MGAT4C: variants seen among roughly 807,000 people sequenced by gnomAD.
MGAT4C encodes alpha-1,3-mannosyl-glycoprotein 4-beta-N-acetylglucosaminyltransferase C.
A neutral mutation model predicts 40.1 loss-of-function variants in MGAT4C; 19 were observed. The ratio of observed to expected loss-of-function variants is 0.47; its 90% CI spans 0.33 to 0.70. MGAT4C has a LOEUF of 0.70. Ranked by LOEUF, MGAT4C falls within the 30% of genes least tolerant of loss-of-function variation. The pLI is 0.02. For synonymous variants in MGAT4C, 181 were observed against 187.1 expected, an observed-to-expected ratio of 0.97 and a Z score of 0.27; for missense variants, 491 against 563.2, an observed-to-expected ratio of 0.87 and a Z score of 1.30.
At chr12:86,073,862 G>A (rs2137045137) in intron 1 of MGAT4C, among the ~76,000 whole-genome samples, 1 of 152,252 alleles carries the variant, frequency 6.6e-6, no homozygotes, top group Non-Finnish European at 1.5e-5. Context: ...GCTGAAATGA[G>A]ATAAGACTTT....
At chr12:86,795,216 T>C (rs548352955) in intron 1 of MGAT4C, among the ~76,000 whole-genome samples, 2 of 152,104 alleles carry the variant, frequency 1.3e-5, no homozygotes, top group East Asian at 1.9e-4. Flanking sequence ...TACAATCTTA[T>C]TGTTCTGGTT....
At chr12:86,753,684 A>AC (rs1299028940) in intron 1 of MGAT4C, among the ~76,000 whole-genome samples, 1 of 152,138 alleles carries the variant, frequency 6.6e-6, no homozygotes, top group African/African-American at 2.4e-5. Context: ...ATTAAAAAAA[A>AC]CCTCAATTTA....
intron 2 of MGAT4C, among the ~76,000 whole-genome samples, chr12:86,631,401 C>A (rs1186409492): frequency 6.6e-6 from 1 of 152,014 alleles, no homozygotes; most frequent in Non-Finnish European, 1.5e-5. Flanking sequence ...TTAGAAAAAA[C>A]TACTTTGAAG....
At chr12:86,271,336 T>C (rs1441361671) in intron 4 of MGAT4C, among the ~76,000 whole-genome samples, 1 of 152,070 alleles carries the variant, frequency 6.6e-6, no homozygotes, top group Non-Finnish European at 1.5e-5. Flanking sequence ...TAATTACAAA[T>C]AATCCCATAC....
rs1884123526 is a variant in MGAT4C, at chr12:85,977,857, C to G, written c.*1432G>C. The G allele has an allele frequency of 6.8e-6, 1 of 147,008 alleles. No individual in the cohort carries two copies. 9.1% of individuals were successfully genotyped at this position (147,008 alleles called of 1,614,324 possible). A position where few individuals can be genotyped will look rare whatever the true frequency, so the allele number is the denominator to read the frequency against. On this transcript the variant is annotated 3_prime_UTR_variant, in exon 5 of 5. Transcript: ENST00000611864. ...ACAGAGTCATCTATATGAACACGTA[C>G]TTGAGTTTCTTAAACATATATGAAG... is the stretch of plus-strand genomic sequence containing the variant.
intron 1 of MGAT4C, among the ~76,000 whole-genome samples, chr12:86,234,879 A>G (rs1001328106): frequency 6.6e-6 from 1 of 152,018 alleles, no homozygotes; most frequent in African/African-American, 2.4e-5. Context: ...ATGAACTGGT[A>G]CTTCATCTGA....
At chr12:86,119,704 C>T (rs961386616) in intron 1 of MGAT4C, among the ~76,000 whole-genome samples, 6 of 150,982 alleles carry the variant, frequency 4.0e-5, no homozygotes, top group Admixed American at 6.6e-5. Context: ...CCACTATGCC[C>T]GGCCCCCTCC....
chr12:86,345,197 T>C (rs1423078844), intron 3 of MGAT4C, among the ~76,000 whole-genome samples: 1 of 152,128 alleles, frequency 6.6e-6, no homozygotes, highest in East Asian at 1.9e-4. Context: ...TAAAGAGGAA[T>C]CAAGCTGCAC....
intron 2 of MGAT4C, among the ~76,000 whole-genome samples, chr12:86,637,501 T>C (rs1963256277): frequency 2.0e-5 from 3 of 151,956 alleles, no homozygotes; most frequent in Admixed American, 1.3e-4. Flanking sequence ...GCCAGATTTA[T>C]AAAGCTTCTC....
At chr12:86,658,036 T>G (rs1963892255) in intron 2 of MGAT4C, among the ~76,000 whole-genome samples, 1 of 151,996 alleles carries the variant, frequency 6.6e-6, no homozygotes, top group South Asian at 2.1e-4. Context: ...GAAAGCAACA[T>G]ACTTAGGTGA....
intron 1 of MGAT4C, among the ~76,000 whole-genome samples, chr12:86,237,208 C>G (rs189759982): frequency 6.6e-6 from 1 of 151,462 alleles, no homozygotes; most frequent in Non-Finnish European, 1.5e-5. Context: ...CTTAATAAAA[C>G]AGTGTGAATA....
chr12:86,713,192 C>T (rs1950589477), intron 2 of MGAT4C, among the ~76,000 whole-genome samples: 1 of 151,940 alleles, frequency 6.6e-6, no homozygotes, highest in Admixed American at 6.6e-5. Flanking sequence ...TAACTTGTGT[C>T]TTCTTATGTA....
intron 2 of MGAT4C, among the ~76,000 whole-genome samples, chr12:86,673,554 CATA>C (rs766332866): frequency 2.0e-5 from 3 of 151,954 alleles, no homozygotes; most frequent in Non-Finnish European, 2.9e-5. Context: ...ATATGCATAA[CATA>C]ATAATATTTT....
intron 4 of MGAT4C, among the ~76,000 whole-genome samples, chr12:86,289,060 C>A (rs192802080): frequency 6.6e-6 from 1 of 152,186 alleles, no homozygotes; most frequent in East Asian, 1.9e-4. Context: ...GTATTGAAAT[C>A]ATTAATCCAT....
intron 1 of MGAT4C, among the ~76,000 whole-genome samples, chr12:86,732,331 G>A (rs10858469): frequency 0.42 from 64,033 of 151,830 alleles, 13,731 homozygotes; most frequent in African/African-American, 0.47. Flanking sequence ...GACCGGGGTG[G>A]GGGCATACGG....
At position 86,390,314 on chromosome 12, in the gene MGAT4C, TG is replaced by T. The variant is rs1463251245; in HGVS notation, c.-120+44842del. 2.6e-5 allele frequency among the ~76,000 whole-genome samples: 4 copies of T among 152,324 alleles called. No homozygotes were observed. In the East Asian group the frequency reaches 7.7e-4, roughly 29 times the overall value. ...CTATTGTTAAGAAACTCTCTTATTT[TG>T]TTACGTACCATAGTTAAGAAACAAA... On this transcript the variant is annotated intron_variant, in intron 3 of 7. Coordinates refer to the MGAT4C transcript ENST00000548651.
chr12:86,381,037 T>G (rs909795773), intron 3 of MGAT4C, among the ~76,000 whole-genome samples: 2 of 152,042 alleles, frequency 1.3e-5, no homozygotes, highest in Non-Finnish European at 2.9e-5. Context: ...CACCCAGACA[T>G]AGAAACTGAC....
chr12:86,309,485 G>A (rs769583325), intron 4 of MGAT4C, among the ~76,000 whole-genome samples: 4 of 152,054 alleles, frequency 2.6e-5, no homozygotes, highest in Non-Finnish European at 5.9e-5. Flanking sequence ...AGGTGAGGAC[G>A]GGGGGCAAAC....
chr12:86,183,960 T>A (rs1317389405), intron 1 of MGAT4C, among the ~76,000 whole-genome samples: 3 of 152,148 alleles, frequency 2.0e-5, no homozygotes, highest in African/African-American at 7.2e-5. Flanking sequence ...AATCACTCCA[T>A]CAAGCCATTT....
Sources: gnomAD v4.1 joint callset for allele counts (sites outside exome capture counted in the v4.1 genomes callset) on GRCh38, gnomAD v4.1.1 for gene constraint, MANE v1.5 for transcripts, NCBI Gene and HGNC (gene_info 2026-07-23, HGNC 2026-07-21) for gene names.